ESRRG: variants seen among roughly 807,000 people sequenced by gnomAD.
ESRRG encodes estrogen related receptor gamma.
ESRRG carries 13 observed loss-of-function variants against 44.0 expected under a neutral mutation model. The ratio of observed to expected loss-of-function variants is 0.30; its 90% CI spans 0.19 to 0.47. ESRRG has a LOEUF of 0.47. Among genes scored for constraint, ESRRG ranks in the 20% least tolerant of loss-of-function variants. ESRRG has a pLI of 1.00. For missense variants in ESRRG, 395 were observed against 580.6 expected (o/e 0.68, Z 3.29); for synonymous variants, 215 against 214.6 (o/e 1.00, Z -0.02).
intron 1 of ESRRG, among the ~76,000 whole-genome samples, chr1:217,038,066 G>A (rs937604330): frequency 1.3e-5 from 2 of 152,182 alleles, no homozygotes; most frequent in African/African-American, 2.4e-5. Context: ...GGCATTGAGT[G>A]TCTCTGGCTT....
At chr1:216,876,864 T>C (rs2096363337) in intron 2 of ESRRG, among the ~76,000 whole-genome samples, 1 of 152,144 alleles carries the variant, frequency 6.6e-6, no homozygotes, top group Non-Finnish European at 1.5e-5. Context: ...CACCTTTTAA[T>C]AGAATCTTCT....
At chr1:216,536,765 A>AT (rs2051093727) in intron 5 of ESRRG, among the ~76,000 whole-genome samples, 1 of 152,074 alleles carries the variant, frequency 6.6e-6, no homozygotes, top group South Asian at 2.1e-4. Flanking sequence ...TAGTGCTTCC[A>AT]TTTATCATGA....
intron 1 of ESRRG, among the ~76,000 whole-genome samples, chr1:217,017,756 A>G (rs2079635702): frequency 6.6e-6 from 1 of 152,172 alleles, no homozygotes; most frequent in South Asian, 2.1e-4. Flanking sequence ...AAATATCCTG[A>G]AAACTCTGTT....
chr1:217,047,371 G>A (rs2085079964), intron 1 of ESRRG, among the ~76,000 whole-genome samples: 1 of 151,964 alleles, frequency 6.6e-6, no homozygotes, highest in South Asian at 2.1e-4. Flanking sequence ...TTGCATCTTG[G>A]TAAATGGCAC....
At chr1:216,697,303 T>C (rs540135995) in intron 1 of ESRRG, among the ~76,000 whole-genome samples, 1 of 152,338 alleles carries the variant, frequency 6.6e-6, no homozygotes, top group South Asian at 2.1e-4. Context: ...AATCAAGTAT[T>C]AAAATCTGCA....
At chr1:216,690,299 C>T (rs918861789) in intron 1 of ESRRG, among the ~76,000 whole-genome samples, 2 of 151,738 alleles carry the variant, frequency 1.3e-5, no homozygotes, top group African/African-American at 2.4e-5. Flanking sequence ...TGTGCTTAAA[C>T]GAGTCCTAGT....
chr1:216,720,533 T>TA (rs1042723181), intron 1 of ESRRG, among the ~76,000 whole-genome samples: 16 of 151,856 alleles, frequency 1.1e-4, no homozygotes, highest in Admixed American at 8.5e-4. Context: ...TATCATTCCC[T>TA]AAAAAAAAGG....
At chr1:216,747,024 A>G (rs2091477978) in intron 2 of ESRRG, among the ~76,000 whole-genome samples, 1 of 152,144 alleles carries the variant, frequency 6.6e-6, no homozygotes, top group South Asian at 2.1e-4. Flanking sequence ...AACTCATAAA[A>G]CAGGCTTCAT....
chr1:216,523,500 T>TG (rs1259512376), intron 5 of ESRRG, among the ~76,000 whole-genome samples: 1 of 74,470 alleles, frequency 1.3e-5, no homozygotes, highest in Non-Finnish European at 3.1e-5. Flanking sequence ...GTTTTTTTTT[T>TG]TGTTTTTTTT....
chr1:216,876,885 C>A (rs896753863), intron 2 of ESRRG, among the ~76,000 whole-genome samples: 1 of 151,820 alleles, frequency 6.6e-6, no homozygotes, highest in African/African-American at 2.4e-5. Flanking sequence ...TGAACAAAAA[C>A]AAATGCATAG....
intron 1 of ESRRG, among the ~76,000 whole-genome samples, chr1:216,960,557 C>T (rs539038075): frequency 6.6e-6 from 1 of 150,734 alleles, no homozygotes; most frequent in Admixed American, 6.7e-5. Flanking sequence ...TCATTCAATA[C>T]TACGCTTTTA....
intron 2 of ESRRG, among the ~76,000 whole-genome samples, chr1:216,860,753 C>T (rs1235518899): frequency 2.6e-5 from 4 of 151,934 alleles, no homozygotes; most frequent in Non-Finnish European, 5.9e-5. Context: ...GTCCTTGTTA[C>T]AGAAAGAAAA....
At chr1:216,665,988 A>C (rs2073835394) in intron 2 of ESRRG, among the ~76,000 whole-genome samples, 2 of 152,212 alleles carry the variant, frequency 1.3e-5, no homozygotes, top group Non-Finnish European at 2.9e-5. Flanking sequence ...TCAGGAAAAC[A>C]CATCACTGCC....
intron 1 of ESRRG, among the ~76,000 whole-genome samples, chr1:216,720,525 T>C (rs546354841): frequency 3.8e-4 from 58 of 152,126 alleles, no homozygotes; most frequent in Admixed American, 7.2e-4. Context: ...CAAGCTCTTA[T>C]CATTCCCTAA....
chr1:216,885,213 C>A (rs1445330428), intron 2 of ESRRG, among the ~76,000 whole-genome samples: 1 of 150,458 alleles, frequency 6.6e-6, no homozygotes, highest in East Asian at 1.9e-4. Flanking sequence ...AATCTGTGTT[C>A]ATTTAACATA....
At chr1:216,882,119 A>C (rs1016385072) in intron 2 of ESRRG, among the ~76,000 whole-genome samples, 4 of 152,160 alleles carry the variant, frequency 2.6e-5, no homozygotes, top group Admixed American at 2.6e-4. Flanking sequence ...GGGCATTATA[A>C]TTATAACCAC....
At chr1:216,864,266 T>C (rs550058671) in intron 2 of ESRRG, 2 of 151,824 alleles carry the variant, frequency 1.3e-5, no homozygotes, top group Non-Finnish European at 1.5e-5. Flanking sequence ...GACATAGTTA[T>C]GGTCTGCTTT....
At chr1:216,834,647 G>T (rs190421307) in intron 2 of ESRRG, among the ~76,000 whole-genome samples, 7 of 152,302 alleles carry the variant, frequency 4.6e-5, no homozygotes, top group Admixed American at 4.6e-4. Context: ...ATCTTGAAGT[G>T]CTGTTGAAAA....
chr1:216,850,597 T>C (rs1467663989), intron 2 of ESRRG, among the ~76,000 whole-genome samples: 1 of 152,056 alleles, frequency 6.6e-6, no homozygotes, highest in Non-Finnish European at 1.5e-5. Context: ...TGTACTCCTA[T>C]CTCCTTTGTT....
Sources: allele counts gnomAD v4.1 joint callset (sites outside exome capture counted in the v4.1 genomes callset), GRCh38; gene constraint gnomAD v4.1.1; transcripts MANE v1.5; gene names NCBI Gene and HGNC (gene_info 2026-07-23, HGNC 2026-07-21).